The following KCNMA1 variants were observed in gnomAD, a reference collection of about 807,000 sequenced individuals.
KCNMA1 encodes Calcium-activated potassium channel subunit alpha-1.
Under a neutral mutation model 140.0 loss-of-function variants are expected in KCNMA1, and 29 were observed. The ratio of observed to expected loss-of-function variants is 0.21; its 90% CI spans 0.15 to 0.28. The LOEUF is 0.28. KCNMA1 is among the 10% of genes least tolerant of loss of function. The pLI, the probability that KCNMA1 is intolerant of heterozygous loss-of-function variation, is 1.00. For synonymous variants in KCNMA1, 612 were observed against 611.9 expected (o/e 1.00, Z 0.00); for missense variants, 880 against 1,602.2 (o/e 0.55, Z 7.70).
intron 1 of KCNMA1, among the ~76,000 whole-genome samples, chr10:77,449,735 C>T (rs1164830709): frequency 4.7e-5 from 7 of 149,444 alleles, no homozygotes; most frequent in Admixed American, 1.3e-4. Context: ...CTCCACCTCC[C>T]GGGTTCACAC....
At chr10:77,043,424 A>G (rs1225651487) in intron 14 of KCNMA1, among the ~76,000 whole-genome samples, 1 of 152,218 alleles carries the variant, frequency 6.6e-6, no homozygotes, top group Non-Finnish European at 1.5e-5. Context: ...CCACTGTGGA[A>G]AACAGTATGG....
In KCNMA1 at chr10:77,445,580, T is replaced by C. The variant is rs575339900; in HGVS notation, c.379-41557A>G. 5.9e-5 allele frequency among the ~76,000 whole-genome samples: 9 copies of C among 152,200 alleles called. No individual in the cohort carries two copies. In the East Asian group the frequency reaches 1.7e-3, roughly 29 times the overall value. On this transcript the variant is annotated intron_variant, in intron 1 of 27. Transcript: ENST00000286628. Reference sequence around the variant, plus strand: ...TGTAGAGTAATTGTTATTTTAGCGATGCAATGTTTCCTAATAAGACCAAGC... The same window carrying C: ...TGTAGAGTAATTGTTATTTTAGCGACGCAATGTTTCCTAATAAGACCAAGC...
chr10:77,432,441 T>C (rs2097173939), intron 1 of KCNMA1, among the ~76,000 whole-genome samples: 1 of 152,214 alleles, frequency 6.6e-6, no homozygotes, highest in Non-Finnish European at 1.5e-5. Context: ...CCATCCAGTG[T>C]CAGACTCATG....
intron 1 of KCNMA1, among the ~76,000 whole-genome samples, chr10:77,594,378 T>C (rs970243630): frequency 2.6e-5 from 4 of 152,168 alleles, no homozygotes; most frequent in African/African-American, 9.7e-5. Flanking sequence ...CCATGCCCAC[T>C]ACATGCAGAG....
chr10:76,977,541 A>G, intron 19 of KCNMA1: 1 of 702,882 alleles, frequency 1.4e-6, no homozygotes, highest in Non-Finnish European at 2.6e-6. Flanking sequence ...TAACTCGCTG[A>G]CCTTTGACAG....
chr10:77,512,516 T>C (rs1030378420), intron 1 of KCNMA1, among the ~76,000 whole-genome samples: 4 of 152,212 alleles, frequency 2.6e-5, no homozygotes, highest in Admixed American at 2.0e-4. Flanking sequence ...ACACAGTATA[T>C]ACAGGTATCG....
rs142342449 is a variant in KCNMA1 at position 77,137,090 on chromosome 10, T to A, written c.809-16042A>T. 2.0e-5 allele frequency among the ~76,000 whole-genome samples: 3 copies of A among 151,606 alleles called. No homozygotes were observed. In the East Asian group the frequency reaches 5.9e-4, roughly 30 times the overall value. On this transcript the variant is annotated intron_variant, in intron 5 of 27. Coordinates refer to ENST00000286628, the MANE Select transcript of KCNMA1 (RefSeq NM_001161352.2). ...TCAGATAAAAGCAGAGTTACTGTAC[T>A]GACAGAAATTGAGGGATAAACAGGT... is the stretch of plus-strand genomic sequence containing the variant.
chr10:77,189,184 C>T (rs969504332), intron 3 of KCNMA1, among the ~76,000 whole-genome samples: 6 of 152,044 alleles, frequency 3.9e-5, no homozygotes, highest in African/African-American at 1.4e-4. Context: ...CTGGGAACAC[C>T]GCTTTGAGAC....
At chr10:77,489,022 T>C (rs1394859371) in intron 1 of KCNMA1, among the ~76,000 whole-genome samples, 1 of 152,026 alleles carries the variant, frequency 6.6e-6, no homozygotes, top group African/African-American at 2.4e-5. Context: ...ACCTGCCCCT[T>C]CCCATCTTCC....
intron 2 of KCNMA1, among the ~76,000 whole-genome samples, chr10:77,284,037 G>A (rs1342752112): frequency 6.6e-6 from 1 of 152,104 alleles, no homozygotes; most frequent in Non-Finnish European, 1.5e-5. Flanking sequence ...GCAAACAGAG[G>A]GAACAGCACA....
At chr10:77,235,100 A>G (rs1329037701) in intron 3 of KCNMA1, among the ~76,000 whole-genome samples, 1 of 152,230 alleles carries the variant, frequency 6.6e-6, no homozygotes, top group Non-Finnish European at 1.5e-5. Context: ...ACTAGCAGGC[A>G]TTAACTGAAG....
chr10:77,495,834 AC>A (rs1293693896), intron 1 of KCNMA1, among the ~76,000 whole-genome samples: 1 of 152,014 alleles, frequency 6.6e-6, no homozygotes, highest in East Asian at 1.9e-4. Context: ...CCAGGGACTG[AC>A]CCCTCCATTC....
intron 5 of KCNMA1, among the ~76,000 whole-genome samples, chr10:77,155,826 G>T (rs1211639818): frequency 6.6e-6 from 1 of 152,152 alleles, no homozygotes; most frequent in Non-Finnish European, 1.5e-5. Context: ...CCCTGACACA[G>T]TGAAACAATT....
At chr10:77,204,852 A>C (rs2043564567) in intron 3 of KCNMA1, among the ~76,000 whole-genome samples, 1 of 152,148 alleles carries the variant, frequency 6.6e-6, no homozygotes, top group South Asian at 2.1e-4. Context: ...ATCTGAATGA[A>C]AGACCCCACG....
At chr10:77,015,116 G>A (rs750258380) in intron 17 of KCNMA1, among the ~76,000 whole-genome samples, 1 of 152,118 alleles carries the variant, frequency 6.6e-6, no homozygotes, top group Non-Finnish European at 1.5e-5. Flanking sequence ...CCTTCAGCTG[G>A]TGATCTTGCT....
At chr10:77,315,295 A>G (rs1262856574) in intron 2 of KCNMA1, among the ~76,000 whole-genome samples, 1 of 152,236 alleles carries the variant, frequency 6.6e-6, no homozygotes, top group African/African-American at 2.4e-5. Flanking sequence ...GAATGGTCAC[A>G]GTTTCCTGCC....
At chr10:76,998,152 G>A (rs1488648391) in intron 19 of KCNMA1, among the ~76,000 whole-genome samples, 1 of 152,122 alleles carries the variant, frequency 6.6e-6, no homozygotes, top group Non-Finnish European at 1.5e-5. Flanking sequence ...CCTCCATAGA[G>A]GGGTGCACCG....
chr10:77,439,090 G>GAGAAGAGAAC (rs1310781427), intron 1 of KCNMA1, among the ~76,000 whole-genome samples: 1 of 69,982 alleles, frequency 1.4e-5, no homozygotes, highest in East Asian at 4.1e-4. Context: ...GAAAAGAAAA[G>GAGAAGAGAAC]AGAAGAGAAG....
At chr10:77,235,389 T>G (rs2055068593) in intron 3 of KCNMA1, among the ~76,000 whole-genome samples, 1 of 152,122 alleles carries the variant, frequency 6.6e-6, no homozygotes, top group Admixed American at 6.5e-5. Flanking sequence ...GGGAGACAGA[T>G]ATTCTCCTTA....
Sources: allele counts gnomAD v4.1 joint callset (sites outside exome capture counted in the v4.1 genomes callset), GRCh38; gene constraint gnomAD v4.1.1; transcripts MANE v1.5; gene names NCBI Gene and HGNC (gene_info 2026-07-23, HGNC 2026-07-21).